RIN2: variants seen among roughly 807,000 people sequenced by gnomAD.
RIN2 encodes the protein Ras and Rab interactor 2.
Under a neutral mutation model 78.0 loss-of-function variants are expected in RIN2, and 36 were observed. The ratio of observed to expected loss-of-function variants is 0.46; its 90% confidence interval spans 0.35 to 0.61. The LOEUF (loss-of-function observed/expected upper bound fraction) is 0.61. Ranked by LOEUF, RIN2 falls within the 20% of genes least tolerant of loss-of-function variation. The pLI, the probability that RIN2 is intolerant of heterozygous loss-of-function variation, is 0.00. For missense variants in RIN2, 1,087 were observed against 1,159.7 expected (o/e 0.94, Z 0.91); for synonymous variants, 466 against 466.8 (o/e 1.00, Z 0.02).
At chr20:19,889,786 C>G (rs959863099) in intron 3 of RIN2, 128 bp downstream of exon 3, 1 of 647,814 alleles carries the variant, frequency 1.5e-6, no homozygotes, top group Non-Finnish European at 2.5e-6. Flanking sequence ...GGAGCTTGCC[C>G]GAGCCCAGCT....
At position 19,956,523 on chromosome 20, in the gene RIN2, G is replaced by A; in HGVS notation, c.159-92G>A. ...GATCACAAGATGGGGTATGTGCGGT[G>A]GCAAGCCTGGCCTATGAACTTGTAG... On this transcript the variant is annotated intron_variant, in intron 4 of 12. Transcript: ENST00000255006. The A allele has an allele frequency of 6.7e-6, 8 of 1,199,416 alleles. 1 individual carries two copies. The highest frequency in any genetic ancestry group is 9.6e-6 in the Non-Finnish European group (8 of 829,144). 74.3% of individuals were successfully genotyped at this position (1,199,416 alleles called of 1,614,324 possible).
chr20:19,914,341 G>A (rs1009617879), intron 3 of RIN2, among the ~76,000 whole-genome samples: 3 of 152,050 alleles, frequency 2.0e-5, no homozygotes, highest in Non-Finnish European at 4.4e-5. Context: ...GTTGACAATG[G>A]TGTGAGTTGA....
intron 12 of RIN2, among the ~76,000 whole-genome samples, chr20:19,997,991 C>T (rs6035507): frequency 0.34 from 49,256 of 146,718 alleles, 9,671 homozygotes; most frequent in East Asian, 0.72. Flanking sequence ...TTTTTTTTTT[C>T]TTAAGACAGA....
chr20:19,917,575 A>T (rs6046453), intron 3 of RIN2, among the ~76,000 whole-genome samples: 4 of 152,218 alleles, frequency 2.6e-5, no homozygotes, highest in Non-Finnish European at 4.4e-5. Context: ...ATGCATTCAG[A>T]TTTTTGTTCT....
At chr20:19,932,142 G>A (rs2040465969) in intron 3 of RIN2, among the ~76,000 whole-genome samples, 4 of 152,126 alleles carry the variant, frequency 2.6e-5, no homozygotes, top group Admixed American at 2.6e-4. Flanking sequence ...AGGTCATGAG[G>A]GCTCTGCCCT....
intron 1 of RIN2, among the ~76,000 whole-genome samples, chr20:19,782,348 T>A (rs1348644450): frequency 6.6e-6 from 1 of 152,146 alleles, no homozygotes; most frequent in Admixed American, 6.5e-5. Context: ...GTGGATCACA[T>A]GAGGCCAGGA....
intron 4 of RIN2, chr20:19,935,458 G>T: frequency 8.0e-7 from 1 of 1,242,470 alleles, no homozygotes; most frequent in Non-Finnish European, 1.0e-6. Flanking sequence ...ACCTAAAATT[G>T]TCTGTGCCAT....
At chr20:19,829,284 C>A (rs186025305) in intron 2 of RIN2, among the ~76,000 whole-genome samples, 1 of 152,004 alleles carries the variant, frequency 6.6e-6, no homozygotes, top group African/African-American at 2.4e-5. Flanking sequence ...AGTTGTATGG[C>A]GTGCTTGCAA....
chr20:19,788,104 G>T (rs1263212150), intron 1 of RIN2, among the ~76,000 whole-genome samples: 1 of 152,112 alleles, frequency 6.6e-6, no homozygotes, highest in African/African-American at 2.4e-5. Flanking sequence ...CTGACAAAGG[G>T]TATGTGCAAG....
intron 2 of RIN2, among the ~76,000 whole-genome samples, chr20:19,888,912 T>C (rs1246502322): frequency 6.6e-6 from 1 of 152,268 alleles, no homozygotes; most frequent in Non-Finnish European, 1.5e-5. Context: ...AATTCAGAAC[T>C]GTGTTGTTAC....
chr20:19,760,607 C>T (rs2033599464), intron 1 of RIN2, among the ~76,000 whole-genome samples: 2 of 152,228 alleles, frequency 1.3e-5, no homozygotes, highest in East Asian at 1.9e-4. Context: ...AAACCCTCTT[C>T]CTCTGCTTGG....
chr20:19,893,559 A>G (rs1401648312), intron 3 of RIN2, among the ~76,000 whole-genome samples: 4 of 152,190 alleles, frequency 2.6e-5, no homozygotes. Flanking sequence ...GCTCATGGAC[A>G]TGACTCAGAT....
rs780286403 is a variant in RIN2, at chr20:19,975,086, C to T, written c.1061C>T (p.Thr354Ile). ...GTAGCTCTGCCTGGAACGAAACCAA[C>T]TCCCATCCCTCCACCCCGGCTGAAG... is the stretch of plus-strand genomic sequence containing the variant. The part of the protein sequence containing the change: ...GNVALPGTKP[T>I]PIPPPRLKKQ... The change falls in exon 9 of 13, where the codon ACT (threonine) becomes ATT (isoleucine). Residue 354 changes from threonine (T) to isoleucine (I), a missense_variant. Physicochemically the swap from Thr to Ile is moderately conservative, Grantham distance 89. Transcript: ENST00000255006. The surrounding 1 kb of genome is among the most constrained non-coding windows in gnomAD (Gnocchi z 4.9). The T allele has an allele frequency of 6.2e-7, 1 of 1,613,548 alleles. No homozygotes were observed. The highest frequency in any genetic ancestry group is 1.1e-5 in the South Asian group (1 of 91,090).
In RIN2 at chr20:19,954,404, C is replaced by T. The variant is rs558535917; in HGVS notation, c.159-2211C>T. 3.4e-3 allele frequency among the ~76,000 whole-genome samples: 525 copies of T among 152,234 alleles called. 2 individuals carry two copies. Among genetic ancestry groups the T allele is most frequent in the Non-Finnish European group, 5.9e-3 (402 of 68,020 alleles). ...TCAGGTCTGGTGTCCCTTGGCTGCC[C>T]CAGGATAGGGCTTGATGACCTGCTC... On this transcript the variant is annotated intron_variant, in intron 4 of 12. Coordinates refer to ENST00000255006, the MANE Select transcript of RIN2 (RefSeq NM_018993.4).
chr20:19,917,741 A>G (rs75173947), intron 3 of RIN2, among the ~76,000 whole-genome samples: 2,666 of 145,228 alleles, frequency 0.018, 37 homozygotes, highest in Middle Eastern at 0.045. Context: ...ATATCGATAT[A>G]TACTGTACAT....
intron 2 of RIN2, among the ~76,000 whole-genome samples, chr20:19,830,426 G>A (rs2036217887): frequency 6.6e-6 from 1 of 152,110 alleles, no homozygotes; most frequent in South Asian, 2.1e-4. Context: ...TGCACTCTCA[G>A]GTGTAGCATC....
chr20:19,844,982 T>G (rs958294023), intron 2 of RIN2, among the ~76,000 whole-genome samples: 1 of 151,856 alleles, frequency 6.6e-6, no homozygotes, highest in Non-Finnish European at 1.5e-5. Flanking sequence ...GAACATCTGG[T>G]GCTTGGTTTT....
chr20:19,853,248 T>C (rs1296013744), intron 2 of RIN2, among the ~76,000 whole-genome samples: 1 of 152,108 alleles, frequency 6.6e-6, no homozygotes, highest in Non-Finnish European at 1.5e-5. Flanking sequence ...TTCCATGGTG[T>C]GTATGTGTCA....
intron 2 of RIN2, among the ~76,000 whole-genome samples, chr20:19,846,335 C>A (rs12479740): frequency 6.6e-6 from 1 of 152,114 alleles, no homozygotes; most frequent in Admixed American, 6.5e-5. Flanking sequence ...GCCATTTTCA[C>A]GATATTGATT....
Sources: allele counts gnomAD v4.1 joint callset (sites outside exome capture counted in the v4.1 genomes callset), GRCh38; gene constraint gnomAD v4.1.1; non-coding constraint Gnocchi (gnomAD v3.1); transcripts MANE v1.5; gene names NCBI Gene and HGNC (gene_info 2026-07-23, HGNC 2026-07-21).